Variants in IMMP2L observed in about 807,000 individuals in gnomAD.
IMMP2L encodes the protein inner mitochondrial membrane peptidase subunit 2.
Under a neutral mutation model 19.3 loss-of-function variants are expected in IMMP2L, and 18 were observed. The observed-to-expected ratio is 0.93, with a 90% CI of 0.64 to 1.38. The LOEUF is 1.38. IMMP2L is among the 40% of genes most tolerant of loss of function. The pLI, the probability that IMMP2L is intolerant of heterozygous loss-of-function variation, is 0.00. For missense variants in IMMP2L, 233 were observed against 218.2 expected (o/e 1.07, Z -0.43); for synonymous variants, 76 against 73.0 (o/e 1.04, Z -0.21).
chr7:111,435,512 T>C (rs1837071925), intron 3 of IMMP2L, among the ~76,000 whole-genome samples: 1 of 151,742 alleles, frequency 6.6e-6, no homozygotes, highest in Admixed American at 6.6e-5. Context: ...CAATGGACAC[T>C]GCAGACTCCA....
At chr7:110,954,165 T>C (rs1818138548) in intron 4 of IMMP2L, among the ~76,000 whole-genome samples, 1 of 152,086 alleles carries the variant, frequency 6.6e-6, no homozygotes, top group African/African-American at 2.4e-5. Flanking sequence ...GCACACATTA[T>C]TTTTGCAATT....
chr7:111,021,067 A>G (rs576343262), intron 3 of IMMP2L, among the ~76,000 whole-genome samples: 8 of 152,370 alleles, frequency 5.3e-5, no homozygotes, highest in Admixed American at 3.3e-4. Flanking sequence ...AAGCTACAAC[A>G]TAATTAATAA....
chr7:110,842,919 G>A (rs1052669043), intron 5 of IMMP2L, among the ~76,000 whole-genome samples: 2 of 152,096 alleles, frequency 1.3e-5, no homozygotes, highest in African/African-American at 4.8e-5. Flanking sequence ...GGCAGAGCAG[G>A]CTACCCGAAT....
At chr7:111,056,732 G>A (rs890889098) in intron 3 of IMMP2L, among the ~76,000 whole-genome samples, 1 of 152,090 alleles carries the variant, frequency 6.6e-6, no homozygotes, top group Non-Finnish European at 1.5e-5. Flanking sequence ...ATGTAAGCTG[G>A]AGAAAAGAAA....
intron 5 of IMMP2L, among the ~76,000 whole-genome samples, chr7:110,739,799 C>A (rs774685764): frequency 1.3e-5 from 2 of 152,090 alleles, no homozygotes; most frequent in Non-Finnish European, 2.9e-5. Context: ...CCAGGATAGA[C>A]CATATCACAG....
chr7:111,251,543 A>G (rs1276403327), intron 3 of IMMP2L, among the ~76,000 whole-genome samples: 5 of 152,098 alleles, frequency 3.3e-5, no homozygotes, highest in Admixed American at 2.0e-4. Context: ...AAAATGTGGT[A>G]CATGGAATAC....
At chr7:111,503,933 C>A (rs984996880) in intron 2 of IMMP2L, among the ~76,000 whole-genome samples, 1 of 152,040 alleles carries the variant, frequency 6.6e-6, no homozygotes, top group Non-Finnish European at 1.5e-5. Context: ...CCCTCTCTCA[C>A]CACTCCTATT....
chr7:111,303,614 A>T (rs1007770429), intron 3 of IMMP2L, among the ~76,000 whole-genome samples: 1 of 152,074 alleles, frequency 6.6e-6, no homozygotes, highest in Non-Finnish European at 1.5e-5. Flanking sequence ...ATTCTTTAAA[A>T]CTACACCTGA....
At chr7:110,908,100 GTAAGAAATTCAGAGCAGGTATTTC>G (rs1483426974) in intron 4 of IMMP2L, among the ~76,000 whole-genome samples, 7 of 152,292 alleles carry the variant, frequency 4.6e-5, no homozygotes, top group Admixed American at 1.3e-4. Context: ...CAGAAAAGAA[GTAAGAAATTCAGAGCAGGTATTTC>G]TAAGAAATTC....
At chr7:110,795,099 G>T (rs1044162468) in intron 5 of IMMP2L, among the ~76,000 whole-genome samples, 5 of 152,050 alleles carry the variant, frequency 3.3e-5, no homozygotes, top group African/African-American at 1.2e-4. Flanking sequence ...CAAACAAAGA[G>T]AATAAGAAAA....
intron 4 of IMMP2L, among the ~76,000 whole-genome samples, chr7:110,914,211 G>A (rs1813349056): frequency 6.6e-6 from 1 of 152,124 alleles, no homozygotes; most frequent in Admixed American, 6.6e-5. Context: ...ATTCTTTGAA[G>A]AAATGCTTCA....
intron 3 of IMMP2L, among the ~76,000 whole-genome samples, chr7:111,049,284 C>A (rs1792775805): frequency 6.6e-6 from 1 of 151,756 alleles, no homozygotes; most frequent in South Asian, 2.1e-4. Flanking sequence ...GCGCCCGCCA[C>A]TACGCCCGGC....
chr7:111,475,885 TC>T (rs1397655956), intron 3 of IMMP2L, among the ~76,000 whole-genome samples: 1 of 152,116 alleles, frequency 6.6e-6, no homozygotes, highest in African/African-American at 2.4e-5. Flanking sequence ...GACCTGGTGT[TC>T]CAAGTCTCCT....
At chr7:111,537,438 ACTC>A (rs1449424917) in intron 1 of IMMP2L, among the ~76,000 whole-genome samples, 1 of 151,280 alleles carries the variant, frequency 6.6e-6, no homozygotes, top group East Asian at 1.9e-4. Flanking sequence ...TCGTTCAATA[ACTC>A]CTCATTTTCT....
chr7:110,973,057 G>T (rs1585527206), intron 3 of IMMP2L, among the ~76,000 whole-genome samples: 1 of 151,982 alleles, frequency 6.6e-6, no homozygotes, highest in East Asian at 1.9e-4. Context: ...GTGGAGGTTG[G>T]GGGCAGAAAT....
chr7:110,914,707 G>A (rs1813407622), intron 4 of IMMP2L, among the ~76,000 whole-genome samples: 1 of 152,106 alleles, frequency 6.6e-6, no homozygotes. Flanking sequence ...TCTTCTCAAT[G>A]CCTCAAACTA....
Position 111,471,962 on chromosome 7 carries a change from C to T in IMMP2L, c.239+15276G>A, listed in dbSNP as rs190638460. ...ACAAAACCCAGACTAGAACCTAGTCCGTGGGTATTTCCTCTATTATTCCAC... is the reference window on the plus strand; with the variant it reads ...ACAAAACCCAGACTAGAACCTAGTCTGTGGGTATTTCCTCTATTATTCCAC... On this transcript the variant is annotated intron_variant, in intron 3 of 5. Coordinates refer to ENST00000405709, the MANE Select transcript of IMMP2L (RefSeq NM_032549.4). Among the ~76,000 whole-genome samples, 17 of 152,130 alleles carry T rather than the reference C, an allele frequency of 1.1e-4. 1 individual carries two copies. Among genetic ancestry groups the T allele is most frequent in the Admixed American group, 1.1e-3 (17 of 15,280 alleles).
intron 5 of IMMP2L, among the ~76,000 whole-genome samples, chr7:110,720,238 G>T (rs1795482554): frequency 6.6e-6 from 1 of 152,138 alleles, no homozygotes; most frequent in South Asian, 2.1e-4. Context: ...AGGTGTGGCT[G>T]TTAAGAGGCT....
At chr7:110,746,025 C>T (rs1378961201) in intron 5 of IMMP2L, among the ~76,000 whole-genome samples, 2 of 151,872 alleles carry the variant, frequency 1.3e-5, no homozygotes, top group Admixed American at 1.3e-4. Context: ...TGCAAAGACA[C>T]ACATAGGCTC....
Sources: gnomAD v4.1 joint callset for allele counts (sites outside exome capture counted in the v4.1 genomes callset) on GRCh38, gnomAD v4.1.1 for gene constraint, MANE v1.5 for transcripts, NCBI Gene and HGNC (gene_info 2026-07-23, HGNC 2026-07-21) for gene names.